GAS2: variants seen among roughly 807,000 people sequenced by gnomAD.
GAS2 encodes growth arrest-specific protein 2.
Under a neutral mutation model 37.5 loss-of-function variants are expected in GAS2, and 20 were observed. The ratio of observed to expected loss-of-function variants is 0.53; its 90% CI spans 0.37 to 0.77. GAS2 has a LOEUF of 0.77. GAS2 is among the 30% of genes least tolerant of loss of function. The pLI is 0.00. For missense variants in GAS2, 336 were observed against 373.4 expected, an observed-to-expected ratio of 0.90 and a Z score of 0.82; for synonymous variants, 144 against 132.2, an observed-to-expected ratio of 1.09 and a Z score of -0.61.
intron 7 of GAS2, among the ~76,000 whole-genome samples, chr11:22,793,158 C>T (rs765707991): frequency 6.6e-6 from 1 of 152,070 alleles, no homozygotes; most frequent in Non-Finnish European, 1.5e-5. Flanking sequence ...CCTGTAATCC[C>T]AGCTACTAGA....
intron 3 of GAS2, among the ~76,000 whole-genome samples, chr11:22,700,463 A>G (rs759254584): frequency 9.9e-5 from 15 of 152,190 alleles, no homozygotes; most frequent in Non-Finnish European, 2.1e-4. Flanking sequence ...AAGATTTGAG[A>G]ATTTTAGAAT....
At chr11:22,780,772 G>A (rs1855522909) in intron 7 of GAS2, among the ~76,000 whole-genome samples, 1 of 151,908 alleles carries the variant, frequency 6.6e-6, no homozygotes, top group African/African-American at 2.4e-5. Context: ...ATGGTCCAAG[G>A]TGGTTCTGTG....
chr11:22,670,414 A>G (rs893472858), intron 1 of GAS2, among the ~76,000 whole-genome samples: 1 of 152,018 alleles, frequency 6.6e-6, no homozygotes, highest in African/African-American at 2.4e-5. Context: ...ATTCTTCTCC[A>G]TATGAAGAAA....
chr11:22,639,068 A>T (rs1403855971), intron 1 of GAS2, among the ~76,000 whole-genome samples: 1 of 152,174 alleles, frequency 6.6e-6, no homozygotes, highest in African/African-American at 2.4e-5. Flanking sequence ...AGAGATTTCT[A>T]GTAGAAACTT....
At chr11:22,695,818 CT>C (rs1850477118) in intron 3 of GAS2, among the ~76,000 whole-genome samples, 1 of 152,028 alleles carries the variant, frequency 6.6e-6, no homozygotes, top group African/African-American at 2.4e-5. Context: ...CAATAATGAG[CT>C]GTGAGGTTGA....
intron 3 of GAS2, among the ~76,000 whole-genome samples, chr11:22,724,333 T>A (rs1413880928): frequency 6.6e-6 from 1 of 151,992 alleles, no homozygotes; most frequent in African/African-American, 2.4e-5. Context: ...ATGTATTATA[T>A]GTCATTCTAC....
intron 7 of GAS2, among the ~76,000 whole-genome samples, chr11:22,810,541 TA>T: frequency 6.6e-6 from 1 of 152,222 alleles, no homozygotes; most frequent in Non-Finnish European, 1.5e-5. Context: ...TAAATGAGAA[TA>T]ACCAGTAGAA....
At chr11:22,767,532 TCTATA>T (rs1460044026) in intron 7 of GAS2, among the ~76,000 whole-genome samples, 19 of 150,310 alleles carry the variant, frequency 1.3e-4, no homozygotes. Flanking sequence ...GTTTATATGT[TCTATA>T]CTGATATGTG....
intron 1 of GAS2, among the ~76,000 whole-genome samples, chr11:22,653,916 C>G (rs576102754): frequency 7.9e-5 from 12 of 152,172 alleles, no homozygotes; most frequent in Non-Finnish European, 1.5e-4. Context: ...CCTCCTTTAA[C>G]GATGCTTTCT....
rs575451417 is a variant in GAS2 at position 22,725,935 on chromosome 11, A to G, written c.268-357A>G. The stretch of plus-strand genomic sequence containing the variant: ...GTATTTCTCCCATTCCTCTTTCACC[A>G]ATGAGAAATACATTTATAAGTACTT... On this transcript the variant is annotated intron_variant, in intron 3 of 7. Transcript: ENST00000454584. Among the ~76,000 whole-genome samples, 13 of 152,200 alleles carry G rather than the reference A, an allele frequency of 8.5e-5. No homozygotes were observed. The South Asian group carries it at 2.5e-3, about 29-fold the overall frequency.
At chr11:22,675,122 A>C in intron 2 of GAS2, 108 bp downstream of exon 2, 2 of 1,111,932 alleles carry the variant, frequency 1.8e-6, no homozygotes, top group Non-Finnish European at 2.5e-6. Flanking sequence ...GGAAAGAAAG[A>C]CTTTTATTAT....
chr11:22,755,690 A>G (rs2134329810), intron 6 of GAS2, 156 bp from the exon 7 acceptor site: 1 of 558,812 alleles, frequency 1.8e-6, no homozygotes, highest in Admixed American at 3.3e-5. Context: ...TTACATGGTT[A>G]TGATTTAATG....
chr11:22,774,684 G>A (rs1855161338), intron 7 of GAS2, among the ~76,000 whole-genome samples: 1 of 152,152 alleles, frequency 6.6e-6, no homozygotes, highest in African/African-American at 2.4e-5. Context: ...AGTTAAGGTA[G>A]ATATTTTCCT....
chr11:22,728,363 C>T (rs1233947955), intron 4 of GAS2, among the ~76,000 whole-genome samples: 5 of 151,836 alleles, frequency 3.3e-5, no homozygotes, highest in African/African-American at 1.2e-4. Context: ...AATAATACTA[C>T]ATTTTACCCT....
upstream of GAS2, among the ~76,000 whole-genome samples, chr11:22,663,861 A>G (rs1393655176): frequency 6.6e-6 from 1 of 152,196 alleles, no homozygotes; most frequent in Non-Finnish European, 1.5e-5. Flanking sequence ...TTAAAAAACT[A>G]TAATTCAAAA....
intron 7 of GAS2, among the ~76,000 whole-genome samples, chr11:22,781,553 C>A (rs1855556186): frequency 6.6e-6 from 1 of 152,120 alleles, no homozygotes. Flanking sequence ...TGATCTCTTG[C>A]ATGGTTATGG....
In GAS2 at chr11:22,811,804, C is replaced by T. The variant is rs1857184700; in HGVS notation, c.730C>T (p.His244Tyr). 2 of 1,613,936 alleles carry T rather than the reference C, an allele frequency of 1.2e-6. No homozygotes were observed. The highest frequency in any genetic ancestry group is 2.2e-5 in the East Asian group (1 of 44,880). ...TGATATTTTTTCATTTCAGATGCTG[C>T]ACAACAAACATGTCATGGTCCGTGT... The part of the protein sequence containing the change: ...GEKILFIRML[H>Y]NKHVMVRVGG... The change falls in exon 8 of 8, where the codon CAC becomes TAC. Residue 244 changes from histidine to tyrosine, a missense_variant. Coordinates refer to ENST00000454584, the MANE Select transcript of GAS2 (RefSeq NM_001143830.3).
chr11:22,714,329 A>G (rs1212919516), intron 3 of GAS2, among the ~76,000 whole-genome samples: 1 of 152,186 alleles, frequency 6.6e-6, no homozygotes, highest in East Asian at 1.9e-4. Flanking sequence ...AAATATCACA[A>G]TTCTAAATAC....
intron 7 of GAS2, among the ~76,000 whole-genome samples, chr11:22,758,533 G>A (rs552121186): frequency 1.3e-5 from 2 of 152,166 alleles, no homozygotes; most frequent in African/African-American, 4.8e-5. Context: ...ACAATTCAGG[G>A]TCACTTAAGG....
Sources: allele counts gnomAD v4.1 joint callset (sites outside exome capture counted in the v4.1 genomes callset), GRCh38; gene constraint gnomAD v4.1.1; transcripts MANE v1.5; gene names NCBI Gene and HGNC (gene_info 2026-07-23, HGNC 2026-07-21).